BICDL1: variants seen among roughly 807,000 people sequenced by gnomAD.
BICDL1 encodes the protein BICD family like cargo adaptor 1, also known as BICD family-like cargo adapter 1.
Under a neutral mutation model 76.8 loss-of-function variants are expected in BICDL1, and 20 were observed. That is an observed-to-expected ratio of 0.26 (90% CI 0.18 to 0.38). The LOEUF is 0.38. Ranked by LOEUF, BICDL1 falls within the 10% of genes least tolerant of loss-of-function variation. The pLI is 1.00. For synonymous variants in BICDL1, 383 were observed against 337.1 expected (o/e 1.14, Z -1.49); for missense variants, 700 against 798.6 (o/e 0.88, Z 1.49).
At chr12:120,081,401 C>T (rs1873979016) in intron 8 of BICDL1, among the ~76,000 whole-genome samples, 1 of 139,480 alleles carries the variant, frequency 7.2e-6, no homozygotes, top group Admixed American at 7.5e-5. Flanking sequence ...GTCCAGGCTG[C>T]AGTGCGATGG....
intron 2 of BICDL1, among the ~76,000 whole-genome samples, chr12:120,021,247 G>A (rs1952172534): frequency 6.6e-6 from 1 of 151,022 alleles, no homozygotes; most frequent in African/African-American, 2.4e-5. Context: ...TGGTACCAGA[G>A]CACTCCAGCC....
intron 1 of BICDL1, among the ~76,000 whole-genome samples, chr12:119,997,333 C>T (rs558535413): frequency 6.6e-6 from 1 of 152,276 alleles, no homozygotes; most frequent in South Asian, 2.1e-4. Flanking sequence ...TTCCTGCATA[C>T]CATCTTTCAT....
rs1261310506 is a variant in BICDL1 at position 120,004,519 on chromosome 12, G to A, written c.645+5783G>A. Among the ~76,000 whole-genome samples the A allele has an allele frequency of 2.6e-5, 4 of 152,190 alleles. No homozygotes were observed. In the East Asian group the frequency reaches 7.7e-4, roughly 29 times the overall value. On this transcript the variant is annotated intron_variant, in intron 2 of 9. Coordinates refer to ENST00000548673, the MANE Select transcript of BICDL1 (RefSeq NM_001367886.1). ...AGGTCCAAGGCCAGGAGAATCCAAAGCCTGTACTTTAAACTAGAAGGGATT... is the reference window on the plus strand; with the variant it reads ...AGGTCCAAGGCCAGGAGAATCCAAAACCTGTACTTTAAACTAGAAGGGATT...
intron 7 of BICDL1, among the ~76,000 whole-genome samples, chr12:120,075,748 A>T (rs1369064546): frequency 1.3e-5 from 2 of 152,230 alleles, no homozygotes; most frequent in Admixed American, 1.3e-4. Context: ...TCTGGGAGTC[A>T]TCCCGTTAGT....
At chr12:119,998,494 G>A (rs375461006) in intron 1 of BICDL1, 27 bp from the exon 2 acceptor site, 115 of 1,565,582 alleles carry the variant, frequency 7.3e-5, no homozygotes, top group Non-Finnish European at 9.9e-5. Flanking sequence ...TTTTATCAGT[G>A]TTTAAATCCC....
intron 2 of BICDL1, among the ~76,000 whole-genome samples, chr12:120,011,834 G>A (rs1402521302): frequency 3.3e-5 from 5 of 152,114 alleles, no homozygotes; most frequent in Non-Finnish European, 5.9e-5. Flanking sequence ...GTGCTTTAAT[G>A]GAATGAATTG....
At chr12:120,004,526 C>T (rs974310683) in intron 2 of BICDL1, among the ~76,000 whole-genome samples, 4 of 152,108 alleles carry the variant, frequency 2.6e-5, no homozygotes, top group African/African-American at 9.7e-5. Flanking sequence ...AAAGCCTGTA[C>T]TTTAAACTAG....
At chr12:120,078,240 G>T (rs1456508507) in intron 7 of BICDL1, among the ~76,000 whole-genome samples, 1 of 152,130 alleles carries the variant, frequency 6.6e-6, no homozygotes, top group Non-Finnish European at 1.5e-5. Context: ...CATCTTCTCA[G>T]TCAAACCCTA....
chr12:119,993,137 G>C (rs1008522142), intron 1 of BICDL1: 1 of 123,310 alleles, frequency 8.1e-6, no homozygotes, highest in African/African-American at 3.2e-5. Context: ...TTTTTTTTTT[G>C]TATTTTTAGT....
chr12:120,056,535 G>A (rs570520991), intron 2 of BICDL1, among the ~76,000 whole-genome samples: 5 of 152,184 alleles, frequency 3.3e-5, no homozygotes, highest in Admixed American at 2.0e-4. Flanking sequence ...CCTGACCAAC[G>A]TGGTGAAACC....
intron 2 of BICDL1, among the ~76,000 whole-genome samples, chr12:120,028,015 C>G (rs138804702): frequency 2.6e-5 from 4 of 152,292 alleles, no homozygotes; most frequent in Admixed American, 2.6e-4. Flanking sequence ...GTATTAATCT[C>G]ACTCTGCATT....
At chr12:120,091,788 G>A (rs1160126407) in intron 9 of BICDL1, 1 of 985,254 alleles carries the variant, frequency 1.0e-6, no homozygotes, top group Non-Finnish European at 1.2e-6. Flanking sequence ...GACACCCATG[G>A]GTGGGAGGGA....
chr12:120,031,620 T>G (rs576169520), intron 2 of BICDL1, among the ~76,000 whole-genome samples: 11 of 152,336 alleles, frequency 7.2e-5, no homozygotes, highest in Admixed American at 5.2e-4. Context: ...TTTTTGTGTG[T>G]GTAGCTCTTT....
chr12:119,994,332 A>G (rs573150341), intron 1 of BICDL1, among the ~76,000 whole-genome samples: 1 of 152,220 alleles, frequency 6.6e-6, no homozygotes, highest in South Asian at 2.1e-4. Flanking sequence ...GGACCTTTTA[A>G]AGAACAGTAC....
chr12:120,030,207 A>G (rs1338172397), intron 2 of BICDL1, among the ~76,000 whole-genome samples: 1 of 152,240 alleles, frequency 6.6e-6, no homozygotes, highest in East Asian at 1.9e-4. Flanking sequence ...ACAATACTGT[A>G]TTAGTAACTA....
intron 2 of BICDL1, 112 bp downstream of exon 2, chr12:119,998,848 C>A: frequency 1.0e-6 from 1 of 975,996 alleles, no homozygotes; most frequent in Non-Finnish European, 1.5e-6. Context: ...GTGGGAGAAG[C>A]ACTTCAGACC....
At chr12:120,074,305 C>G (rs1038694786) in intron 6 of BICDL1, 138 bp from the exon 7 acceptor site, 31 of 405,958 alleles carry the variant, frequency 7.6e-5, no homozygotes, top group African/African-American at 6.3e-4. Flanking sequence ...TCTTTCCCCA[C>G]TATCTTTCCC....
At chr12:120,065,614 G>A (rs1231765663) in intron 4 of BICDL1, among the ~76,000 whole-genome samples, 1 of 152,168 alleles carries the variant, frequency 6.6e-6, no homozygotes, top group African/African-American at 2.4e-5. Flanking sequence ...GAGGACTTGG[G>A]GTCAGAAACT....
At chr12:120,018,465 G>A (rs1952110701) in intron 2 of BICDL1, among the ~76,000 whole-genome samples, 1 of 152,174 alleles carries the variant, frequency 6.6e-6, no homozygotes. Flanking sequence ...CACAGTCAGT[G>A]TCTGAGAAAG....
Sources: allele counts gnomAD v4.1 joint callset (sites outside exome capture counted in the v4.1 genomes callset), GRCh38; gene constraint gnomAD v4.1.1; transcripts MANE v1.5; gene names NCBI Gene and HGNC (gene_info 2026-07-23, HGNC 2026-07-21).